The following DDX19B variants were observed in gnomAD, a reference collection of about 807,000 sequenced individuals.
The protein encoded by DDX19B is DEAD-box helicase 19B.
Under a neutral mutation model 58.1 loss-of-function variants are expected in DDX19B, and 27 were observed. The ratio of observed to expected loss-of-function variants is 0.46; its 90% confidence interval spans 0.34 to 0.64. DDX19B has a LOEUF of 0.64. DDX19B is among the 30% of genes least tolerant of loss of function. DDX19B has a pLI of 0.01. For synonymous variants in DDX19B, 187 were observed against 214.4 expected (o/e 0.87, Z 1.12); for missense variants, 399 against 596.5 (o/e 0.67, Z 3.45).
At chr16:70,292,301 A>G (rs1961077466), upstream of DDX19B, among the ~76,000 whole-genome samples, 1 of 151,894 alleles carries the variant, frequency 6.6e-6, no homozygotes, top group African/African-American at 2.4e-5. Flanking sequence ...CACCACGCCC[A>G]GTTATTTTTT....
In DDX19B at chr16:70,329,744, G is replaced by A. The variant is rs527940065; in HGVS notation, c.786-87G>A. The stretch of plus-strand genomic sequence containing the variant: ...GCTCCTCTCCCATCAGCCTTCCTGG[G>A]CATCTAGACCCTCCCAGCTGGGAAG... On this transcript the variant is annotated intron_variant, in intron 8 of 11. Coordinates refer to ENST00000288071, the MANE Select transcript of DDX19B (RefSeq NM_007242.7). 232 of 1,556,964 alleles carry A rather than the reference G, an allele frequency of 1.5e-4. 2 individuals are homozygous for A. Among genetic ancestry groups the A allele is most frequent in the South Asian group, 1.5e-3 (127 of 85,268 alleles).
At chr16:70,294,809 A>C (rs1237625158), upstream of DDX19B, 13 of 1,442,950 alleles carry the variant, frequency 9.0e-6, no homozygotes, top group African/African-American at 1.4e-5. Context: ...TGCCAAGAGC[A>C]GCGGTTGTTG....
At chr16:70,318,138 C>CAAGGCAGGAGGATCTCT (rs1221445618) in intron 5 of DDX19B, among the ~76,000 whole-genome samples, 6 of 150,768 alleles carry the variant, frequency 4.0e-5, no homozygotes, top group Non-Finnish European at 7.4e-5. Flanking sequence ...TTTGGGAGGC[C>CAAGGCAGGAGGATCTCT]AAGGCAGGAG....
At chr16:70,325,183 A>T (rs142378838) in intron 6 of DDX19B, among the ~76,000 whole-genome samples, 1 of 152,214 alleles carries the variant, frequency 6.6e-6, no homozygotes, top group South Asian at 2.1e-4. Flanking sequence ...ATGGTGTGCC[A>T]GTTCTGGGAT....
At chr16:70,299,072 C>A, upstream of DDX19B, 1 of 1,184,562 alleles carries the variant, frequency 8.4e-7, no homozygotes, top group Non-Finnish European at 1.1e-6. Flanking sequence ...GCTTGCTCTG[C>A]CCGGGGTTGA....
intron 1 of DDX19B, among the ~76,000 whole-genome samples, chr16:70,305,917 T>A (rs1345390741): frequency 6.6e-6 from 1 of 151,044 alleles, no homozygotes; most frequent in South Asian, 2.1e-4. Context: ...CCCACCACCA[T>A]GCCCAGCTAA....
intron 10 of DDX19B, 84 bp downstream of exon 10, chr16:70,331,968 A>G (rs1405144856): frequency 6.4e-7 from 1 of 1,559,464 alleles, no homozygotes; most frequent in African/African-American, 1.4e-5. Flanking sequence ...TACACAGGGA[A>G]GTCGGATGGT....
upstream of DDX19B, among the ~76,000 whole-genome samples, chr16:70,290,776 T>C (rs1389752059): frequency 6.6e-6 from 1 of 152,194 alleles, no homozygotes; most frequent in Non-Finnish European, 1.5e-5. Context: ...AAACTGTGTA[T>C]GAGGTCAGCT....
At chr16:70,311,747 A>G (rs1197545338) in intron 1 of DDX19B, among the ~76,000 whole-genome samples, 1 of 152,194 alleles carries the variant, frequency 6.6e-6, no homozygotes, top group Non-Finnish European at 1.5e-5. Context: ...GGTGACTTGA[A>G]TGTGAGGCTG....
At chr16:70,309,418 C>A (rs142326418) in intron 1 of DDX19B, among the ~76,000 whole-genome samples, 10,819 of 152,092 alleles carry the variant, frequency 0.071, 1,290 homozygotes, top group African/African-American at 0.25. Context: ...TGGCGTGAAC[C>A]TGGGAGGCAG....
intron 9 of DDX19B, 145 bp downstream of exon 9, chr16:70,330,213 G>C (rs776477191): frequency 1.1e-6 from 1 of 876,180 alleles, no homozygotes; most frequent in South Asian, 1.7e-5. Flanking sequence ...GTAAGAGGGA[G>C]ACTTTGATTC....
At chr16:70,311,207 T>TA (rs1034916740) in intron 1 of DDX19B, among the ~76,000 whole-genome samples, 17 of 147,056 alleles carry the variant, frequency 1.2e-4, no homozygotes, top group Non-Finnish European at 2.4e-4. Context: ...CCCCATCTCT[T>TA]AAAAAAAAAG....
intron 9 of DDX19B, among the ~76,000 whole-genome samples, chr16:70,331,133 G>C (rs1963460356): frequency 6.6e-6 from 1 of 152,168 alleles, no homozygotes; most frequent in Non-Finnish European, 1.5e-5. Context: ...CCAGAATACA[G>C]TGGCATGGTC....
At chr16:70,304,517 C>T (rs1046283352) in intron 1 of DDX19B, among the ~76,000 whole-genome samples, 5 of 141,472 alleles carry the variant, frequency 3.5e-5, no homozygotes. Flanking sequence ...GGATTACAGG[C>T]GCCTGCCACC....
At chr16:70,329,676 C>T (rs922811937) in intron 8 of DDX19B, among the ~76,000 whole-genome samples, 155 bp from the exon 9 acceptor site, 1 of 152,106 alleles carries the variant, frequency 6.6e-6, no homozygotes, top group Non-Finnish European at 1.5e-5. Flanking sequence ...TCTCCCCCAA[C>T]CCCTGTCCCC....
chr16:70,314,950 A>T lies in DDX19B; in HGVS notation c.155A>T (p.Glu52Val). ...AATGCAGAGAAGACAGATGAAGAAG[A>T]GAAAGGTAACACAGCCGTGGAGCTT... ...NANAEKTDEE[E>V]KEDRAAQSLL... The change falls in exon 3 of 12, where the codon GAG (glutamate) becomes GTG (valine). Residue 52 changes from glutamate to valine, a missense_variant. Physicochemically the swap from Glu to Val is moderately radical, Grantham distance 121. Around this residue, in one of 4 missense-constraint regions of DDX19B, gnomAD observed 132 missense variants for 159.4 expected, o/e 0.83. Transcript: ENST00000288071. 6.2e-7 allele frequency: 1 copy of T among 1,609,080 alleles called. No homozygotes were observed.
intron 5 of DDX19B, among the ~76,000 whole-genome samples, chr16:70,323,809 C>T (rs1007968030): frequency 2.0e-5 from 3 of 152,122 alleles, no homozygotes; most frequent in African/African-American, 7.2e-5. Context: ...CTACCAAAAC[C>T]TACATCTTGT....
chr16:70,325,311 G>C (rs1308466469), intron 6 of DDX19B, among the ~76,000 whole-genome samples: 1 of 152,172 alleles, frequency 6.6e-6, no homozygotes, highest in Non-Finnish European at 1.5e-5. Context: ...ATGCCAATTG[G>C]AACTTTAGAT....
chr16:70,327,763 C>T (rs1261189122), intron 7 of DDX19B, among the ~76,000 whole-genome samples: 1 of 152,046 alleles, frequency 6.6e-6, no homozygotes, highest in Non-Finnish European at 1.5e-5. Flanking sequence ...ATGTTTATGG[C>T]TATTGACTCT....
Sources: gnomAD v4.1 joint callset for allele counts (sites outside exome capture counted in the v4.1 genomes callset) on GRCh38, gnomAD v4.1.1 for gene constraint, gnomAD v4.1.1 regional missense constraint, MANE v1.5 for transcripts, NCBI Gene and HGNC (gene_info 2026-07-23, HGNC 2026-07-21) for gene names.